KLF12: variants seen among roughly 807,000 people sequenced by gnomAD.
KLF12 encodes the protein KLF transcription factor 12, also known as Krueppel-like factor 12.
Under a neutral mutation model 37.8 loss-of-function variants are expected in KLF12, and 9 were observed. The ratio of observed to expected loss-of-function variants is 0.24; its 90% confidence interval spans 0.14 to 0.42. The LOEUF (loss-of-function observed/expected upper bound fraction) is 0.42, where lower values mean the gene tolerates loss of function less well. Among genes scored for constraint, KLF12 ranks in the 10% least tolerant of loss-of-function variants. KLF12 has a pLI of 1.00. For missense variants in KLF12, 411 were observed against 516.0 expected, an observed-to-expected ratio of 0.80 and a Z score of 1.97; for synonymous variants, 208 against 202.1, an observed-to-expected ratio of 1.03 and a Z score of -0.25.
chr13:74,045,125 GCTTC>G (rs1428103654), intron 1 of KLF12, among the ~76,000 whole-genome samples: 1 of 152,172 alleles, frequency 6.6e-6, no homozygotes, highest in Non-Finnish European at 1.5e-5. Context: ...CCACACAGTG[GCTTC>G]CTTCCAAGAG....
chr13:74,128,405 A>C (rs1311124103), intron 1 of KLF12, among the ~76,000 whole-genome samples: 2 of 39,608 alleles, frequency 5.0e-5, no homozygotes, highest in African/African-American at 6.7e-5. Flanking sequence ...TTTCCTATCA[A>C]ATCAGTTGCC....
At chr13:73,754,005 G>A (rs1042172709) in intron 6 of KLF12, among the ~76,000 whole-genome samples, 9 of 152,174 alleles carry the variant, frequency 5.9e-5, no homozygotes, top group African/African-American at 1.9e-4. Context: ...ACTCAGGAGA[G>A]GAGAGAGAGG....
the KLF12 span, among the ~76,000 whole-genome samples, chr13:74,230,910 T>C: frequency 6.6e-6 from 1 of 152,214 alleles, no homozygotes; most frequent in East Asian, 1.9e-4. Flanking sequence ...TCATTAAACG[T>C]TGTCTGTGCT....
At chr13:73,904,708 G>A (rs1020078814) in intron 3 of KLF12, among the ~76,000 whole-genome samples, 6 of 151,850 alleles carry the variant, frequency 4.0e-5, no homozygotes, top group Non-Finnish European at 8.8e-5. Flanking sequence ...ACCATTGTAC[G>A]AGCAACATGC....
intron 4 of KLF12, among the ~76,000 whole-genome samples, chr13:73,840,951 C>T (rs1282683705): frequency 6.6e-6 from 1 of 152,118 alleles, no homozygotes; most frequent in Admixed American, 6.6e-5. Flanking sequence ...CAAAGGTCTT[C>T]CACAGCTATT....
intron 1 of KLF12, among the ~76,000 whole-genome samples, chr13:74,078,403 A>G (rs969548197): frequency 6.6e-6 from 1 of 152,250 alleles, no homozygotes; most frequent in Non-Finnish European, 1.5e-5. Context: ...TCATCTAGAA[A>G]CAGAAGACAC....
At chr13:74,055,405 CATCAGATT>C (rs1443201258) in intron 1 of KLF12, among the ~76,000 whole-genome samples, 4 of 152,122 alleles carry the variant, frequency 2.6e-5, no homozygotes, top group Admixed American at 1.3e-4. Flanking sequence ...TTTACTTTGC[CATCAGATT>C]ATCTGAGGAT....
chr13:74,003,435 T>C lies in KLF12; in HGVS notation c.-31-8382A>G, dbSNP rs114311618. On this transcript the variant is annotated intron_variant, in intron 1 of 7. Transcript: ENST00000377669. ...CATCCAACTGAAAGAGGGACTCTAA[T>C]GTGGAAAAGAAGCCTGTTGATATGA... 6.8e-3 allele frequency among the ~76,000 whole-genome samples: 1,032 copies of C among 152,296 alleles called. 13 individuals carry two copies. Among genetic ancestry groups the C allele is most frequent in the African/African-American group, 0.023 (972 of 41,560 alleles).
intron 1 of KLF12, among the ~76,000 whole-genome samples, chr13:74,117,869 A>T (rs532895241): frequency 6.6e-6 from 1 of 152,024 alleles, no homozygotes; most frequent in South Asian, 2.1e-4. Flanking sequence ...ATAAAAAGAG[A>T]GACTAAGAAA....
rs150646018 is a variant in KLF12 at position 73,794,416 on chromosome 13, C to T, written c.806+18736G>A. ...GCAGAGGTTGCAGTGAGCAAGATTG[C>T]GCCACTGCACTCCAGCCTGGGCGAC... On this transcript the variant is annotated intron_variant, in intron 5 of 7. Transcript: ENST00000377669. Among the ~76,000 whole-genome samples the T allele has an allele frequency of 4.8e-3, 736 of 152,244 alleles. 5 individuals are homozygous for T. The highest frequency in any genetic ancestry group is 0.017 in the African/African-American group (701 of 41,540).
chr13:74,185,104 C>T, the KLF12 span, among the ~76,000 whole-genome samples: 1 of 152,144 alleles, frequency 6.6e-6, no homozygotes, highest in Admixed American at 6.5e-5. Flanking sequence ...TTTATCTTTA[C>T]CTATTCTAGT....
At chr13:74,076,911 C>T (rs1874596989) in intron 1 of KLF12, among the ~76,000 whole-genome samples, 2 of 152,158 alleles carry the variant, frequency 1.3e-5, no homozygotes, top group South Asian at 2.1e-4. Flanking sequence ...GTTTTCTGTT[C>T]CTGTGTTAGT....
chr13:74,099,412 C>T (rs952147192), intron 1 of KLF12, among the ~76,000 whole-genome samples: 6 of 152,068 alleles, frequency 3.9e-5, no homozygotes, highest in Non-Finnish European at 8.8e-5. Context: ...GCATATGAAC[C>T]CTTTACAATA....
At chr13:73,922,214 T>C (rs765451573) in intron 3 of KLF12, among the ~76,000 whole-genome samples, 1 of 152,226 alleles carries the variant, frequency 6.6e-6, no homozygotes, top group Non-Finnish European at 1.5e-5. Context: ...ACTTTATTCT[T>C]GCCCTTTGCC....
intron 2 of KLF12, among the ~76,000 whole-genome samples, chr13:73,949,429 A>T (rs1271676809): frequency 1.3e-5 from 2 of 151,940 alleles, no homozygotes; most frequent in African/African-American, 4.8e-5. Context: ...AGCTATTAAT[A>T]TTTTTTTTCC....
intron 3 of KLF12, among the ~76,000 whole-genome samples, chr13:73,909,081 C>A (rs749515237): frequency 6.6e-6 from 1 of 152,152 alleles, no homozygotes; most frequent in East Asian, 1.9e-4. Context: ...AAATGGACAA[C>A]AATACGTACT....
chr13:74,155,904 A>T, the KLF12 span, among the ~76,000 whole-genome samples: 8 of 152,134 alleles, frequency 5.3e-5, no homozygotes, highest in Non-Finnish European at 1.0e-4. Context: ...GCCTCCAGTG[A>T]GGTACAGCTC....
At chr13:74,217,406 A>G in the KLF12 span, among the ~76,000 whole-genome samples, 1 of 152,034 alleles carries the variant, frequency 6.6e-6, no homozygotes, top group Non-Finnish European at 1.5e-5. Context: ...ATATAAAGAG[A>G]ACTAAAACAT....
chr13:73,872,949 C>T (rs1287784840), intron 3 of KLF12, among the ~76,000 whole-genome samples: 1 of 152,054 alleles, frequency 6.6e-6, no homozygotes, highest in African/African-American at 2.4e-5. Context: ...TTATTTTGAC[C>T]ACTGCTATCT....
Sources: allele counts gnomAD v4.1 joint callset (sites outside exome capture counted in the v4.1 genomes callset), GRCh38; gene constraint gnomAD v4.1.1; transcripts MANE v1.5; gene names NCBI Gene and HGNC (gene_info 2026-07-23, HGNC 2026-07-21).